Variants in TNPO1 observed in about 807,000 individuals in gnomAD.
The protein encoded by TNPO1 is transportin-1.
A neutral mutation model predicts 119.5 loss-of-function variants in TNPO1; 8 were observed. That is an observed-to-expected ratio of 0.07 (90% CI 0.04 to 0.12). The LOEUF (loss-of-function observed/expected upper bound fraction) is 0.12. Among genes scored for constraint, TNPO1 ranks in the 10% least tolerant of loss-of-function variants. The pLI is 1.00. For synonymous variants in TNPO1, 362 were observed against 363.0 expected, an observed-to-expected ratio of 1.00 and a Z score of 0.03; for missense variants, 576 against 1,089.8, an observed-to-expected ratio of 0.53 and a Z score of 6.64.
At chr5:72,851,814 T>C (rs1291924440) in intron 3 of TNPO1, among the ~76,000 whole-genome samples, 1 of 152,168 alleles carries the variant, frequency 6.6e-6, no homozygotes, top group African/African-American at 2.4e-5. Flanking sequence ...TTTAATAGGG[T>C]GTTTGTATAA....
At chr5:72,890,017 A>G in intron 14 of TNPO1, 60 bp downstream of exon 14, 1 of 1,546,526 alleles carries the variant, frequency 6.5e-7, no homozygotes, top group Non-Finnish European at 8.8e-7. Context: ...CAATTAATAG[A>G]TTAGCATATA....
In TNPO1 at chr5:72,861,796, T is replaced by C; in HGVS notation, c.356-12T>C. 6.3e-7 allele frequency: 1 copy of C among 1,593,896 alleles called. No homozygotes were observed. Among genetic ancestry groups the C allele is most frequent in the Non-Finnish European group, 8.6e-7 (1 of 1,162,082 alleles). On this transcript the variant is annotated splice_polypyrimidine_tract_variant and intron_variant, in intron 4 of 24. Coordinates refer to ENST00000337273, the MANE Select transcript of TNPO1 (RefSeq NM_002270.4). ...CTGTTGGATTTCCTAAAGAAGTGTGTTTTTGTTCAAGGTATTTTGATCACA... is the reference window on the plus strand; with the variant it reads ...CTGTTGGATTTCCTAAAGAAGTGTGCTTTTGTTCAAGGTATTTTGATCACA...
chr5:72,842,265 A>G (rs1435802003), intron 1 of TNPO1, among the ~76,000 whole-genome samples: 1 of 152,104 alleles, frequency 6.6e-6, no homozygotes, highest in Non-Finnish European at 1.5e-5. Flanking sequence ...TTCCCAGTTT[A>G]TGGAGATTGA....
intron 1 of TNPO1, among the ~76,000 whole-genome samples, chr5:72,845,347 T>C (rs1745085942): frequency 1.3e-5 from 2 of 152,212 alleles, no homozygotes; most frequent in South Asian, 4.1e-4. Context: ...TTCTACCTCA[T>C]ATAATAATCC....
At chr5:72,896,417 C>T in intron 18 of TNPO1, 41 bp from the exon 19 acceptor site, 1 of 1,379,112 alleles carries the variant, frequency 7.3e-7, no homozygotes, top group Non-Finnish European at 1.0e-6. Flanking sequence ...CAATATACTG[C>T]TATTGAAAAG....
chr5:72,820,998 A>T (rs1404631636), intron 1 of TNPO1, among the ~76,000 whole-genome samples: 1 of 152,178 alleles, frequency 6.6e-6, no homozygotes, highest in East Asian at 1.9e-4. Flanking sequence ...AGAAATCTCA[A>T]ATTTGATTAA....
At chr5:72,865,762 G>A in intron 6 of TNPO1, 33 bp downstream of exon 6, 7 of 1,594,830 alleles carry the variant, frequency 4.4e-6, no homozygotes, top group Non-Finnish European at 6.0e-6. Context: ...TTGATTAACT[G>A]TGATATAAAC....
chr5:72,907,591 A>C (rs918392415), intron 24 of TNPO1, among the ~76,000 whole-genome samples: 15 of 152,190 alleles, frequency 9.9e-5, no homozygotes, highest in African/African-American at 3.6e-4. Context: ...TAACAGTTTA[A>C]ATCTCCCAGT....
At chr5:72,845,350 A>G (rs1335361879) in intron 1 of TNPO1, among the ~76,000 whole-genome samples, 1 of 152,190 alleles carries the variant, frequency 6.6e-6, no homozygotes, top group African/African-American at 2.4e-5. Context: ...TACCTCATAT[A>G]ATAATCCTGA....
rs1744602699 is a variant in TNPO1, at chr5:72,834,388, G to A, written c.16-13997G>A. Among the ~76,000 whole-genome samples the A allele has an allele frequency of 3.3e-5, 5 of 152,322 alleles. No individual in the cohort carries two copies. The South Asian group carries it at 1.0e-3, about 32-fold the overall frequency. On this transcript the variant is annotated intron_variant, in intron 1 of 24. Coordinates refer to ENST00000337273, the MANE Select transcript of TNPO1 (RefSeq NM_002270.4). ...TTATCATGGGAGATGACAGCTCCAT[G>A]CTTGTTATTGCTGCTGAAGACCTTC... is the stretch of plus-strand genomic sequence containing the variant.
At chr5:72,858,634 G>A (rs976649078) in intron 4 of TNPO1, among the ~76,000 whole-genome samples, 4 of 152,104 alleles carry the variant, frequency 2.6e-5, no homozygotes, top group African/African-American at 7.2e-5. Flanking sequence ...TCAGGAGATC[G>A]AAACCATCCT....
intron 11 of TNPO1, among the ~76,000 whole-genome samples, chr5:72,885,616 T>C (rs1472433022): frequency 6.6e-6 from 1 of 152,214 alleles, no homozygotes; most frequent in Non-Finnish European, 1.5e-5. Context: ...GATTTAGATT[T>C]CCTTTTGTTG....
intron 9 of TNPO1, chr5:72,879,208 C>G (rs929338200): frequency 2.9e-5 from 5 of 170,844 alleles, no homozygotes; most frequent in African/African-American, 9.5e-5. Context: ...AAGTCCTATT[C>G]CCAGCAGGCT....
rs929410908 is a variant in TNPO1, at chr5:72,872,675, C to T, written c.633C>T (p.Ile211=). The change falls in exon 7 of 25, where the codon ATC becomes ATT. Residue 211 remains isoleucine, a synonymous_variant. Coordinates refer to ENST00000337273, the MANE Select transcript of TNPO1 (RefSeq NM_002270.4). ...HAVACVNQFI[I]SRTQALMLHI... ...TTGCATGTGTCAATCAGTTTATCAT[C>T]AGTAGGACTCAAGCTCTAATGTTGC... 1.9e-6 allele frequency: 3 copies of T among 1,611,104 alleles called. No individual in the cohort carries two copies. The highest frequency in any genetic ancestry group is 2.5e-6 in the Non-Finnish European group (3 of 1,178,680).
At chr5:72,872,328 C>T (rs776116687) in intron 6 of TNPO1, among the ~76,000 whole-genome samples, 1 of 151,854 alleles carries the variant, frequency 6.6e-6, no homozygotes, top group Non-Finnish European at 1.5e-5. Flanking sequence ...AATCTGTAGG[C>T]ATCTAAAAAA....
Position 72,904,624 on chromosome 5 carries a change from C to T in TNPO1, c.2590-679C>T, listed in dbSNP as rs1206738076. 2.0e-5 allele frequency among the ~76,000 whole-genome samples: 3 copies of T among 152,182 alleles called. No individual in the cohort carries two copies. In the East Asian group the frequency reaches 5.8e-4, roughly 29 times the overall value. On this transcript the variant is annotated intron_variant, in intron 23 of 24. Transcript: ENST00000337273. ...CAGCCTGGCCAACATGGTGAAACGC[C>T]ATCTCTACTAAAAATACAAAAAATT...
intron 6 of TNPO1, among the ~76,000 whole-genome samples, chr5:72,868,247 A>G (rs1408601945): frequency 6.6e-6 from 1 of 151,892 alleles, no homozygotes; most frequent in Non-Finnish European, 1.5e-5. Flanking sequence ...CCTTGCTAAC[A>G]TGGTGAAACC....
chr5:72,911,995 G>A lies in TNPO1; in HGVS notation c.*3322G>A, dbSNP rs1277506792. 6.6e-6 allele frequency: 1 copy of A among 152,406 alleles called. No homozygotes were observed. The highest frequency in any genetic ancestry group is 1.5e-5 in the Non-Finnish European group (1 of 67,928). The allele number at this position is 152,406 out of a possible 1,614,324, so 9.4% of individuals were successfully genotyped here. A position where few individuals can be genotyped will look rare whatever the true frequency, so the allele number is the denominator to read the frequency against. On this transcript the variant is annotated 3_prime_UTR_variant, in exon 25 of 25. Coordinates refer to ENST00000337273, the MANE Select transcript of TNPO1 (RefSeq NM_002270.4). ...CAGTCCATTAGCGAGTGAACTTAGTGCCACAGGTATTCATTTATTCAGGAA... is the reference window on the plus strand; with the variant it reads ...CAGTCCATTAGCGAGTGAACTTAGTACCACAGGTATTCATTTATTCAGGAA...
chr5:72,854,322 A>G (rs754322598), intron 3 of TNPO1, among the ~76,000 whole-genome samples: 1 of 152,216 alleles, frequency 6.6e-6, no homozygotes, highest in Admixed American at 6.5e-5. Flanking sequence ...TAGTGCTGTG[A>G]TGACCTGAAT....
Sources: gnomAD v4.1 joint callset for allele counts (sites outside exome capture counted in the v4.1 genomes callset) on GRCh38, gnomAD v4.1.1 for gene constraint, MANE v1.5 for transcripts, NCBI Gene and HGNC (gene_info 2026-07-23, HGNC 2026-07-21) for gene names.